The following DGKI variants were observed in gnomAD, a reference collection of about 807,000 sequenced individuals.
DGKI encodes DAG kinase iota.
Under a neutral mutation model 147.5 loss-of-function variants are expected in DGKI, and 55 were observed. The observed-to-expected ratio is 0.37, with a 90% CI of 0.30 to 0.47. The LOEUF is 0.47. Among genes scored for constraint, DGKI ranks in the 20% least tolerant of loss-of-function variants. DGKI has a pLI of 1.00. For synonymous variants in DGKI, 469 were observed against 477.1 expected (o/e 0.98, Z 0.22); for missense variants, 1,007 against 1,323.8 (o/e 0.76, Z 3.71).
chr7:137,771,902 A>C (rs907772632), intron 1 of DGKI: 1 of 152,232 alleles, frequency 6.6e-6, no homozygotes, highest in Non-Finnish European at 1.5e-5. Flanking sequence ...AGAATCATGA[A>C]AAGGCAGTGG....
chr7:137,516,699 A>T (rs1258465182), intron 21 of DGKI, among the ~76,000 whole-genome samples: 1 of 152,098 alleles, frequency 6.6e-6, no homozygotes, highest in Admixed American at 6.6e-5. Context: ...TCTTTCAATG[A>T]CTAACATCTA....
At chr7:137,613,297 A>G (rs765452147) in intron 8 of DGKI, among the ~76,000 whole-genome samples, 8 of 152,132 alleles carry the variant, frequency 5.3e-5, no homozygotes, top group Non-Finnish European at 1.0e-4. Context: ...TTAGTCTATT[A>G]AAGCGCATTC....
intron 28 of DGKI, among the ~76,000 whole-genome samples, chr7:137,426,162 AC>A (rs1270806773): frequency 6.6e-6 from 1 of 152,214 alleles, no homozygotes; most frequent in African/African-American, 2.4e-5. Context: ...AGGTTGGGTT[AC>A]CCACAAAGGG....
chr7:137,687,194 A>G (rs1445474177), intron 2 of DGKI, among the ~76,000 whole-genome samples: 1 of 152,204 alleles, frequency 6.6e-6, no homozygotes, highest in Non-Finnish European at 1.5e-5. Context: ...AGACCTTCAG[A>G]AGCACAACTT....
At chr7:137,583,750 A>G (rs1414299029) in intron 14 of DGKI, among the ~76,000 whole-genome samples, 1 of 152,154 alleles carries the variant, frequency 6.6e-6, no homozygotes, top group African/African-American at 2.4e-5. Flanking sequence ...CAATATCCAT[A>G]TGGTACTCTT....
At chr7:137,710,910 C>T (rs1428197441) in intron 1 of DGKI, among the ~76,000 whole-genome samples, 1 of 152,040 alleles carries the variant, frequency 6.6e-6, no homozygotes, top group African/African-American at 2.4e-5. Context: ...ACATCCTCCC[C>T]CAAAAAGTGA....
intron 1 of DGKI, among the ~76,000 whole-genome samples, chr7:137,713,895 T>TC (rs1452244537): frequency 2.6e-5 from 4 of 152,180 alleles, no homozygotes; most frequent in African/African-American, 9.7e-5. Flanking sequence ...CACCTCAGCC[T>TC]CCCAAAGCAC....
intron 1 of DGKI, among the ~76,000 whole-genome samples, chr7:137,693,117 C>T (rs995682306): frequency 2.0e-5 from 3 of 151,950 alleles, no homozygotes; most frequent in South Asian, 2.1e-4. Context: ...TATAAGTTAG[C>T]GAAAGTTATT....
At chr7:137,431,109 T>G (rs1446731810) in intron 28 of DGKI, among the ~76,000 whole-genome samples, 1 of 152,158 alleles carries the variant, frequency 6.6e-6, no homozygotes, top group Non-Finnish European at 1.5e-5. Context: ...TAGACCATGC[T>G]TTTTGACAAC....
chr7:137,506,492 G>C (rs757961641), intron 21 of DGKI, among the ~76,000 whole-genome samples: 10 of 152,268 alleles, frequency 6.6e-5, no homozygotes, highest in Middle Eastern at 3.4e-3. Context: ...GGTATTCCTT[G>C]TGAAATATTC....
intron 27 of DGKI, among the ~76,000 whole-genome samples, chr7:137,444,391 T>C (rs1252988606): frequency 6.6e-6 from 1 of 152,102 alleles, no homozygotes; most frequent in African/African-American, 2.4e-5. Flanking sequence ...AGAGAACTCA[T>C]AGAAATGTAG....
chr7:137,427,093 A>G (rs1812844633), intron 28 of DGKI, among the ~76,000 whole-genome samples: 1 of 151,980 alleles, frequency 6.6e-6, no homozygotes, highest in Admixed American at 6.6e-5. Flanking sequence ...TCAACAGAAT[A>G]TACATTTTTT....
At chr7:137,510,590 C>T (rs965615490) in intron 21 of DGKI, among the ~76,000 whole-genome samples, 5 of 152,212 alleles carry the variant, frequency 3.3e-5, no homozygotes, top group Admixed American at 6.5e-5. Context: ...GAAAGATTCA[C>T]AACCATACCT....
intron 1 of DGKI, 118 bp from the exon 2 acceptor site, chr7:137,690,120 T>C: frequency 1.6e-6 from 1 of 639,468 alleles, no homozygotes; most frequent in African/African-American, 1.9e-5. Context: ...CTTCCACATC[T>C]GAAAATCTTT....
At chr7:137,735,484 G>T (rs1005285132) in intron 1 of DGKI, among the ~76,000 whole-genome samples, 2 of 152,048 alleles carry the variant, frequency 1.3e-5, no homozygotes, top group African/African-American at 4.8e-5. Flanking sequence ...GAAGATACTG[G>T]TGTACAAGCA....
intron 21 of DGKI, among the ~76,000 whole-genome samples, chr7:137,516,228 T>C (rs1395633517): frequency 6.6e-6 from 1 of 152,172 alleles, no homozygotes; most frequent in Non-Finnish European, 1.5e-5. Context: ...ATGAATGATG[T>C]TGGAGCTTTA....
At chr7:137,705,465 G>A (rs903374934) in intron 1 of DGKI, among the ~76,000 whole-genome samples, 17 of 152,072 alleles carry the variant, frequency 1.1e-4, no homozygotes, top group African/African-American at 3.9e-4. Flanking sequence ...GAAAAAAAAT[G>A]GGACACAGAA....
intron 28 of DGKI, among the ~76,000 whole-genome samples, chr7:137,436,285 GT>G (rs553027579): frequency 7.9e-5 from 12 of 152,094 alleles, no homozygotes; most frequent in Non-Finnish European, 1.6e-4. Context: ...ATCTTTGAAT[GT>G]TTTTCTGTGT....
At chr7:137,717,581 T>C (rs1794417889) in intron 1 of DGKI, among the ~76,000 whole-genome samples, 1 of 152,234 alleles carries the variant, frequency 6.6e-6, no homozygotes, top group African/African-American at 2.4e-5. Flanking sequence ...ACACTATATA[T>C]TTTTATGTGT....
Sources: gnomAD v4.1 joint callset for allele counts (sites outside exome capture counted in the v4.1 genomes callset) on GRCh38, gnomAD v4.1.1 for gene constraint, MANE v1.5 for transcripts, NCBI Gene and HGNC (gene_info 2026-07-23, HGNC 2026-07-21) for gene names.